The following ZNF98 variants were observed in gnomAD, a reference collection of about 807,000 sequenced individuals.
ZNF98 encodes the protein zinc finger protein 98.
A neutral mutation model predicts 12.8 loss-of-function variants in ZNF98; 8 were observed. That is an observed-to-expected ratio of 0.63 (90% CI 0.37 to 1.13). ZNF98 has a LOEUF of 1.13. Ranked by LOEUF, ZNF98 falls within the 50% of genes most tolerant of loss-of-function variation. ZNF98 has a pLI of 0.01. For missense variants in ZNF98, 379 were observed against 666.1 expected, an observed-to-expected ratio of 0.57 and a Z score of 4.74; for synonymous variants, 112 against 223.5, an observed-to-expected ratio of 0.50 and a Z score of 4.45.
At chr19:22,412,851 G>A (rs1969594543) in intron 1 of ZNF98, among the ~76,000 whole-genome samples, 1 of 151,840 alleles carries the variant, frequency 6.6e-6, no homozygotes, top group Admixed American at 6.6e-5. Context: ...AGGAGATCGA[G>A]ACTATCCTGG....
At chr19:22,422,157 C>G (rs1395933418) in intron 1 of ZNF98, 38 bp downstream of exon 1, 1 of 1,612,508 alleles carries the variant, frequency 6.2e-7, no homozygotes, top group Non-Finnish European at 8.5e-7. Flanking sequence ...CAACCAGCCC[C>G]TTCTCCTCTC....
At chr19:22,404,610 C>T (rs192478785) in intron 1 of ZNF98, among the ~76,000 whole-genome samples, 1 of 152,312 alleles carries the variant, frequency 6.6e-6, no homozygotes, top group African/African-American at 2.4e-5. Flanking sequence ...TGTGCTGATG[C>T]ACACAGAAGG....
At chr19:22,402,966 T>G in intron 2 of ZNF98, 82 bp from the exon 3 acceptor site, 1 of 1,329,496 alleles carries the variant, frequency 7.5e-7, no homozygotes, top group Non-Finnish European at 1.0e-6. Flanking sequence ...AAGGATGTAA[T>G]AGAATATTCT....
Position 22,403,528 on chromosome 19 carries a change from A to G in ZNF98, c.31-16T>C, listed in dbSNP as rs1487652791. 1.3e-6 allele frequency: 2 copies of G among 1,584,530 alleles called. No individual in the cohort carries two copies. The highest frequency in any genetic ancestry group is 2.0e-5 in the Admixed American group (1 of 50,112). ...TCAACACTCCCTGAAAAACATACAA[A>G]CACACATACATATTTACCAAGTGGC... On this transcript the variant is annotated splice_polypyrimidine_tract_variant and intron_variant, in intron 1 of 3. Transcript: ENST00000357774.
intron 1 of ZNF98, among the ~76,000 whole-genome samples, chr19:22,407,476 G>A (rs1314026484): frequency 1.3e-5 from 2 of 151,224 alleles, no homozygotes; most frequent in Non-Finnish European, 2.9e-5. Flanking sequence ...CACTTTGGGA[G>A]GCCAAGGCGG....
intron 3 of ZNF98, among the ~76,000 whole-genome samples, chr19:22,401,216 A>T (rs1257858009): frequency 6.6e-6 from 1 of 152,020 alleles, no homozygotes; most frequent in African/African-American, 2.4e-5. Context: ...CAGTACATTT[A>T]AAACCTAATT....
chr19:22,402,623 G>A (rs1330984800), intron 3 of ZNF98, 166 bp downstream of exon 3: 2 of 623,384 alleles, frequency 3.2e-6, no homozygotes, highest in East Asian at 3.3e-5. Context: ...ATATAAGACA[G>A]AAGATGCTTC....
At chr19:22,407,633 AC>A in intron 1 of ZNF98, among the ~76,000 whole-genome samples, 1 of 151,220 alleles carries the variant, frequency 6.6e-6, no homozygotes, top group East Asian at 2.0e-4. Flanking sequence ...AATTGCTTGA[AC>A]CCGGGAGGCG....
intron 3 of ZNF98, among the ~76,000 whole-genome samples, chr19:22,400,779 C>A (rs940163765): frequency 1.9e-4 from 29 of 151,078 alleles, no homozygotes; most frequent in African/African-American, 2.2e-4. Context: ...ATGGTGAAAC[C>A]CCATCTCTAC....
At chr19:22,417,420 A>G (rs1969657986) in intron 1 of ZNF98, among the ~76,000 whole-genome samples, 2 of 152,030 alleles carry the variant, frequency 1.3e-5, no homozygotes, top group Non-Finnish European at 2.9e-5. Context: ...AACCCCCATG[A>G]CACAATTTTA....
chr19:22,394,243 G>A (rs1192843900), intron 3 of ZNF98, among the ~76,000 whole-genome samples: 1 of 147,512 alleles, frequency 6.8e-6, no homozygotes, highest in East Asian at 2.0e-4. Flanking sequence ...TGGTGGGACT[G>A]TAAACTAGTT....
At chr19:22,415,535 G>A (rs1332852279) in intron 1 of ZNF98, among the ~76,000 whole-genome samples, 4 of 151,432 alleles carry the variant, frequency 2.6e-5, no homozygotes, top group African/African-American at 9.7e-5. Flanking sequence ...CACTTTGGGA[G>A]GCCAAGGCAG....
chr19:22,414,284 T>C (rs1179154514), intron 1 of ZNF98, among the ~76,000 whole-genome samples: 2 of 126,136 alleles, frequency 1.6e-5, no homozygotes, highest in Admixed American at 1.5e-4. Flanking sequence ...AAAAGATCAA[T>C]ATTATTAAAA....
chr19:22,397,993 C>T (rs1011375030), intron 3 of ZNF98, among the ~76,000 whole-genome samples: 520 of 150,720 alleles, frequency 3.5e-3, no homozygotes, highest in African/African-American at 0.012. Flanking sequence ...CATGAAGAGT[C>T]ATTTGCATAC....
chr19:22,415,956 GACACACACACACACACACACACAC>G (rs71180550), intron 1 of ZNF98, among the ~76,000 whole-genome samples: 1 of 111,332 alleles, frequency 9.0e-6, no homozygotes, highest in South Asian at 3.6e-4. Context: ...AAAAACTACA[GACACACACACACACACACACACAC>G]ACACACACAC....
intron 3 of ZNF98, among the ~76,000 whole-genome samples, chr19:22,398,524 C>A (rs369564275): frequency 1.1e-4 from 16 of 151,850 alleles, no homozygotes; most frequent in East Asian, 7.7e-4. Context: ...TGTCTGGCTA[C>A]GTTTTAAAAT....
At chr19:22,421,750 A>G (rs927858472) in intron 1 of ZNF98, among the ~76,000 whole-genome samples, 1 of 152,170 alleles carries the variant, frequency 6.6e-6, no homozygotes, top group Non-Finnish European at 1.5e-5. Flanking sequence ...CTCCTTGTTT[A>G]AATTCTTAAG....
chr19:22,391,181 T>C lies in ZNF98; in HGVS notation c.*335A>G. 3.8e-6 allele frequency: 1 copy of C among 261,724 alleles called. No homozygotes were observed. The highest frequency in any genetic ancestry group is 9.3e-5 in the East Asian group (1 of 10,768). 16.2% of individuals were successfully genotyped at this position (261,724 alleles called of 1,614,324 possible). On this transcript the variant is annotated 3_prime_UTR_variant, in exon 4 of 4. Transcript: ENST00000357774. Reference sequence around the variant, plus strand: ...TAAAGTTACCACAACTTCGTTTATATTTGTAATGTTTGTCTTCAAAATAAA... The same window carrying C: ...TAAAGTTACCACAACTTCGTTTATACTTGTAATGTTTGTCTTCAAAATAAA...
rs1360972471 is a variant in ZNF98, at chr19:22,408,926, G to GA, written c.31-5415dup. On this transcript the variant is annotated intron_variant, in intron 1 of 3. Transcript: ENST00000357774. ...ACCATTAACATTCTTCACAGAATTA[G>GA]AAAAAACAATGACTTTAAATTTCAT... Among the ~76,000 whole-genome samples the GA allele has an allele frequency of 2.6e-5, 4 of 152,170 alleles. No individual in the cohort carries two copies. In the East Asian group the frequency reaches 7.7e-4, roughly 29 times the overall value.
Sources: allele counts gnomAD v4.1 joint callset (sites outside exome capture counted in the v4.1 genomes callset), GRCh38; gene constraint gnomAD v4.1.1; transcripts MANE v1.5; gene names NCBI Gene and HGNC (gene_info 2026-07-23, HGNC 2026-07-21).